The following SCLT1 variants were observed in gnomAD, a reference collection of about 807,000 sequenced individuals.
The protein encoded by SCLT1 is sodium channel and clathrin linker 1, also known as sodium channel-associated protein 1.
A neutral mutation model predicts 112.8 loss-of-function variants in SCLT1; 78 were observed. The observed-to-expected ratio is 0.69, with a 90% CI of 0.58 to 0.83. SCLT1 has a LOEUF of 0.83. SCLT1 is among the 40% of genes least tolerant of loss of function. SCLT1 has a pLI of 0.00. For synonymous variants in SCLT1, 257 were observed against 254.7 expected, an observed-to-expected ratio of 1.01 and a Z score of -0.09; for missense variants, 747 against 770.4, an observed-to-expected ratio of 0.97 and a Z score of 0.36.
At chr4:128,953,480 C>A (rs1738941927) in intron 13 of SCLT1, among the ~76,000 whole-genome samples, 1 of 152,052 alleles carries the variant, frequency 6.6e-6, no homozygotes, top group Non-Finnish European at 1.5e-5. Context: ...ACCTTGTGGC[C>A]TCTCTGAACA....
chr4:129,058,753 T>G (rs749176659), intron 2 of SCLT1, among the ~76,000 whole-genome samples: 3 of 152,158 alleles, frequency 2.0e-5, no homozygotes, highest in Non-Finnish European at 4.4e-5. Flanking sequence ...ATCTAATGTT[T>G]ATTGTTTTTC....
rs534003063 is a variant in SCLT1, at chr4:128,995,091, G to A, written c.615+2783C>T. Among the ~76,000 whole-genome samples, 382 of 152,124 alleles carry A rather than the reference G, an allele frequency of 2.5e-3. 3 individuals carry two copies. Among genetic ancestry groups the A allele is most frequent in the African/African-American group, 9.0e-3 (373 of 41,500 alleles). ...CTTTTGGTGTCATATCCATGAAATCGTTGCCAAGACCGATGCCATGGAGAT... is the reference window on the plus strand; with the variant it reads ...CTTTTGGTGTCATATCCATGAAATCATTGCCAAGACCGATGCCATGGAGAT... On this transcript the variant is annotated intron_variant, in intron 8 of 20. Coordinates refer to ENST00000281142, the MANE Select transcript of SCLT1 (RefSeq NM_144643.4).
chr4:129,086,763 A>G (rs567789257), intron 1 of SCLT1, among the ~76,000 whole-genome samples: 13 of 152,294 alleles, frequency 8.5e-5, no homozygotes, highest in African/African-American at 2.6e-4. Context: ...CAAACTGGGA[A>G]GCAGTCAAGG....
At chr4:128,987,929 G>T (rs528781228) in intron 9 of SCLT1, among the ~76,000 whole-genome samples, 7 of 152,082 alleles carry the variant, frequency 4.6e-5, no homozygotes, top group African/African-American at 1.4e-4. Context: ...GATCTTAAAA[G>T]CAGCAAGAGA....
At chr4:129,021,435 C>A (rs2126122586) in intron 5 of SCLT1, among the ~76,000 whole-genome samples, 1 of 152,320 alleles carries the variant, frequency 6.6e-6, no homozygotes, top group Non-Finnish European at 1.5e-5. Context: ...AGCTAAGGAC[C>A]ACTAGCTTGA....
Position 129,043,461 on chromosome 4 carries a change from TA to T in SCLT1, c.167del (p.Leu56Ter). 1 of 1,470,404 alleles carries T rather than the reference TA, an allele frequency of 6.8e-7. No individual in the cohort carries two copies. The highest frequency in any genetic ancestry group is 9.4e-7 in the Non-Finnish European group (1 of 1,066,736). 91.1% of individuals were successfully genotyped at this position (1,470,404 alleles called of 1,614,324 possible). A position where few individuals can be genotyped will look rare whatever the true frequency, so the allele number is the denominator to read the frequency against. On this transcript the variant is annotated frameshift_variant, in exon 4 of 21. Transcript: ENST00000281142. LOFTEE classifies it high-confidence loss of function. ...TATCATACTCAGTAACAAGAGGAGC[TA>T]AAAAGCTAAAAAAAGACAATAAAAA... ...FENLVFDQSF[L>X]APLVTEYDKH...
chr4:129,054,019 G>A (rs1202658694), intron 2 of SCLT1, among the ~76,000 whole-genome samples: 2 of 152,058 alleles, frequency 1.3e-5, no homozygotes, highest in Non-Finnish European at 2.9e-5. Flanking sequence ...ATGAAGTTTA[G>A]TTTGGCTGGA....
chr4:129,083,143 A>T (rs1370444812), intron 1 of SCLT1, among the ~76,000 whole-genome samples: 1 of 145,708 alleles, frequency 6.9e-6, no homozygotes, highest in East Asian at 2.1e-4. Context: ...GTGAGCCAAG[A>T]TCGCACCACT....
chr4:129,054,081 C>T (rs977011332), intron 2 of SCLT1, among the ~76,000 whole-genome samples: 2 of 152,208 alleles, frequency 1.3e-5, no homozygotes, highest in African/African-American at 2.4e-5. Flanking sequence ...TTGGCCCCCA[C>T]TCTCTTCTGG....
rs76815115 is a variant in SCLT1, at chr4:128,941,774, A to G, written c.1632+1222T>C. On this transcript the variant is annotated intron_variant, in intron 17 of 20. Coordinates refer to ENST00000281142, the MANE Select transcript of SCLT1 (RefSeq NM_144643.4). ...GCAAGAAGATTTTCTCCTAGAAACT[A>G]TCATTTCACATTTCACATTTAGGTC... Among the ~76,000 whole-genome samples, 1,495 of 152,204 alleles carry G rather than the reference A, an allele frequency of 9.8e-3. 26 individuals are homozygous for G. The highest frequency in any genetic ancestry group is 0.035 in the African/African-American group (1,439 of 41,546).
intron 18 of SCLT1, among the ~76,000 whole-genome samples, chr4:128,891,609 C>T (rs935921922): frequency 6.7e-6 from 1 of 148,502 alleles, no homozygotes; most frequent in South Asian, 2.1e-4. Context: ...ATTACAAAAT[C>T]TTGTAAGCTA....
At chr4:128,950,259 G>A (rs1738607306) in intron 14 of SCLT1, among the ~76,000 whole-genome samples, 1 of 152,016 alleles carries the variant, frequency 6.6e-6, no homozygotes, top group Non-Finnish European at 1.5e-5. Context: ...CACACTTCTG[G>A]GGCTGGCAAG....
chr4:129,003,219 G>C (rs1335716909), intron 6 of SCLT1, among the ~76,000 whole-genome samples: 1 of 152,002 alleles, frequency 6.6e-6, no homozygotes, highest in African/African-American at 2.4e-5. Flanking sequence ...TCACTCATAA[G>C]TGGGAGTTAA....
chr4:129,015,868 G>C (rs1744946590), intron 5 of SCLT1, among the ~76,000 whole-genome samples: 1 of 152,012 alleles, frequency 6.6e-6, no homozygotes, highest in Non-Finnish European at 1.5e-5. Flanking sequence ...CTGAGAATCT[G>C]TTAGGAGTAC....
At chr4:129,070,893 T>C (rs1375379051) in intron 2 of SCLT1, among the ~76,000 whole-genome samples, 2 of 152,242 alleles carry the variant, frequency 1.3e-5, no homozygotes, top group East Asian at 3.9e-4. Context: ...CTTTCAGTCT[T>C]TTTGATGTAT....
At chr4:129,084,760 C>G (rs1752250763) in intron 1 of SCLT1, among the ~76,000 whole-genome samples, 1 of 152,148 alleles carries the variant, frequency 6.6e-6, no homozygotes, top group Non-Finnish European at 1.5e-5. Context: ...CTGACAAAAA[C>G]AAGCAATGAG....
intron 2 of SCLT1, among the ~76,000 whole-genome samples, chr4:129,074,833 C>T (rs1393667645): frequency 6.6e-6 from 1 of 152,100 alleles, no homozygotes; most frequent in African/African-American, 2.4e-5. Context: ...TCCTGGGTAA[C>T]CAGAACTATA....
At chr4:128,996,079 C>T (rs542991450) in intron 8 of SCLT1, among the ~76,000 whole-genome samples, 95 of 152,100 alleles carry the variant, frequency 6.2e-4, no homozygotes, top group African/African-American at 1.6e-3. Flanking sequence ...CCCTTCCCTC[C>T]CCTGGGTGAA....
intron 4 of SCLT1, chr4:128,875,055 T>TG (rs1166832914): frequency 2.0e-5 from 3 of 152,156 alleles, no homozygotes; most frequent in Non-Finnish European, 4.4e-5. Context: ...AAAGTATATG[T>TG]AGAGATGACT....
Sources: gnomAD v4.1 joint callset for allele counts (sites outside exome capture counted in the v4.1 genomes callset) on GRCh38, gnomAD v4.1.1 for gene constraint, MANE v1.5 for transcripts, NCBI Gene and HGNC (gene_info 2026-07-23, HGNC 2026-07-21) for gene names.